The following ABI3BP variants were observed in gnomAD, a reference collection of about 807,000 sequenced individuals.
ABI3BP encodes ABI family member 3 binding protein, also known as target of Nesh-SH3.
In ABI3BP, 216 loss-of-function variants were observed where a neutral mutation model predicts 268.6. That is an observed-to-expected ratio of 0.80 (90% CI 0.72 to 0.90). The LOEUF (loss-of-function observed/expected upper bound fraction) is 0.90. ABI3BP is among the 40% of genes least tolerant of loss of function. The pLI, the probability that ABI3BP is intolerant of heterozygous loss-of-function variation, is 0.00. For missense variants in ABI3BP, 2,090 were observed against 2,182.4 expected (o/e 0.96, Z 0.84); for synonymous variants, 730 against 730.0 (o/e 1.00, Z 0.00).
chr3:100,919,070 C>T (rs929401426), intron 2 of ABI3BP, among the ~76,000 whole-genome samples: 5 of 152,196 alleles, frequency 3.3e-5, no homozygotes, highest in South Asian at 2.1e-4. Context: ...AGCCTCTTGC[C>T]GTCTCTCTAA....
chr3:100,935,170 G>A (rs1174430846), intron 1 of ABI3BP, among the ~76,000 whole-genome samples: 3 of 152,092 alleles, frequency 2.0e-5, no homozygotes, highest in Non-Finnish European at 4.4e-5. Context: ...TGTAAGGAAC[G>A]GATCCAGTTT....
rs2098507873 is a variant in ABI3BP at position 100,832,368 on chromosome 3, AGGATTAATAT to A, written c.2315-28_2315-19del. 6.5e-7 allele frequency: 1 copy of A among 1,534,320 alleles called. No homozygotes were observed. The highest frequency in any genetic ancestry group is 8.7e-7 in the Non-Finnish European group (1 of 1,145,670). ...TGTTGGAGCTGAAGGAAGAAAATTT[AGGATTAATAT>A]GGTGCTGATGGCTCCATTCACTGTG... On this transcript the variant is annotated intron_variant, in intron 30 of 67. Transcript: ENST00000471714.
chr3:100,970,584 AG>A (rs2083184938), intron 1 of ABI3BP, among the ~76,000 whole-genome samples: 1 of 152,204 alleles, frequency 6.6e-6, no homozygotes, highest in Admixed American at 6.5e-5. Context: ...AGAGAGTCCC[AG>A]ACTCTCACAT....
intron 1 of ABI3BP, among the ~76,000 whole-genome samples, chr3:100,946,307 G>A (rs2153734280): frequency 6.6e-6 from 1 of 150,970 alleles, no homozygotes; most frequent in Non-Finnish European, 1.5e-5. Context: ...GGAGGCAGAG[G>A]CTGAGGTGAG....
chr3:100,902,471 A>G (rs1561469992), intron 3 of ABI3BP, 147 bp downstream of exon 3: 1 of 645,842 alleles, frequency 1.5e-6, no homozygotes, highest in South Asian at 2.4e-5. Flanking sequence ...TTACTTCTCC[A>G]AAAGGGTAAA....
Position 100,937,540 on chromosome 3 carries a change from C to T in ABI3BP, c.80-11059G>A, listed in dbSNP as rs114374709. On this transcript the variant is annotated intron_variant, in intron 1 of 67. Transcript: ENST00000471714. The stretch of plus-strand genomic sequence containing the variant: ...GAATCTTTTGTCTGGCATGCCGTTA[C>T]GCTACTGTAGAACGGGCTATGACTT... Among the ~76,000 whole-genome samples, 1,020 of 152,130 alleles carry T rather than the reference C, an allele frequency of 6.7e-3. 8 individuals are homozygous for T. Among genetic ancestry groups the T allele is most frequent in the African/African-American group, 0.021 (876 of 41,542 alleles).
intron 2 of ABI3BP, among the ~76,000 whole-genome samples, chr3:100,903,783 G>C (rs2051718862): frequency 6.6e-6 from 1 of 152,120 alleles, no homozygotes; most frequent in Non-Finnish European, 1.5e-5. Flanking sequence ...GTCTTTTTCT[G>C]GACATCTTAC....
At chr3:100,894,952 A>AAAAAAAAAAAAAAAAC (rs2046767856) in intron 4 of ABI3BP, among the ~76,000 whole-genome samples, 2 of 111,624 alleles carry the variant, frequency 1.8e-5, no homozygotes, top group Admixed American at 8.7e-5. Flanking sequence ...AAAAAAAAAA[A>AAAAAAAAAAAAAAAAC]AAAAAAAAAA....
At chr3:100,800,675 T>A (rs1183366091) in intron 51 of ABI3BP, among the ~76,000 whole-genome samples, 1 of 152,162 alleles carries the variant, frequency 6.6e-6, no homozygotes, top group East Asian at 1.9e-4. Context: ...GAGACGGGGT[T>A]TCACCATGTT....
At chr3:100,889,181 G>C (rs1440148273) in intron 4 of ABI3BP, among the ~76,000 whole-genome samples, 3 of 151,898 alleles carry the variant, frequency 2.0e-5, no homozygotes, top group East Asian at 1.9e-4. Context: ...ATTTGCACAG[G>C]GCTTATGATT....
At chr3:100,861,262 C>G (rs2098995385) in intron 14 of ABI3BP, among the ~76,000 whole-genome samples, 1 of 152,120 alleles carries the variant, frequency 6.6e-6, no homozygotes, top group Non-Finnish European at 1.5e-5. Flanking sequence ...CTATCTTTTG[C>G]AGATATCTGA....
chr3:100,783,375 G>A (rs906658809), intron 57 of ABI3BP, among the ~76,000 whole-genome samples: 1 of 152,088 alleles, frequency 6.6e-6, no homozygotes. Context: ...CTAGGGTTCA[G>A]GTATTTAACA....
rs4325951 is a variant in ABI3BP, at chr3:100,811,440, T to C, written c.3494-163A>G. Among the ~76,000 whole-genome samples, 546 of 152,280 alleles carry C rather than the reference T, an allele frequency of 3.6e-3. 5 individuals are homozygous for C. The highest frequency in any genetic ancestry group is 0.012 in the African/African-American group (484 of 41,566). ...TTGGGAGAAAAATCCTATTCTATAA[T>C]ACTAATCCTCCAATTAATATTTATG... is the stretch of plus-strand genomic sequence containing the variant. On this transcript the variant is annotated intron_variant, in intron 47 of 67. Coordinates refer to ENST00000471714, the MANE Select transcript of ABI3BP (RefSeq NM_001375547.2).
chr3:100,926,151 A>G, intron 2 of ABI3BP, 151 bp downstream of exon 2: 1 of 780,520 alleles, frequency 1.3e-6, no homozygotes, highest in East Asian at 2.7e-5. Flanking sequence ...GCTATGAGTT[A>G]CAACAATTAT....
intron 1 of ABI3BP, among the ~76,000 whole-genome samples, chr3:100,965,686 T>C (rs980120009): frequency 6.6e-6 from 1 of 151,934 alleles, no homozygotes; most frequent in Non-Finnish European, 1.5e-5. Flanking sequence ...GCCTTGGGGA[T>C]TGTAACAGAT....
chr3:100,856,599 C>T (rs1035869022), intron 14 of ABI3BP, among the ~76,000 whole-genome samples: 2 of 152,124 alleles, frequency 1.3e-5, no homozygotes, highest in African/African-American at 2.4e-5. Context: ...AGGAGGATTT[C>T]CTAAGGATGA....
At chr3:100,891,576 C>G (rs1554070893) in intron 4 of ABI3BP, among the ~76,000 whole-genome samples, 1 of 152,170 alleles carries the variant, frequency 6.6e-6, no homozygotes, top group Non-Finnish European at 1.5e-5. Context: ...GATAATAGAG[C>G]AGAGTTTTGA....
intron 4 of ABI3BP, among the ~76,000 whole-genome samples, chr3:100,893,025 C>T (rs1035520831): frequency 2.6e-5 from 4 of 152,294 alleles, no homozygotes; most frequent in Admixed American, 6.5e-5. Context: ...CAGACCCACC[C>T]TCCATTTGGG....
Position 100,829,592 on chromosome 3 carries a change from TGAAGCTCTTCGG to T in ABI3BP, c.2519_2530del (p.Pro840_Leu843del). 6.5e-7 allele frequency: 1 copy of T among 1,535,530 alleles called. No individual in the cohort carries two copies. Among genetic ancestry groups the T allele is most frequent in the Non-Finnish European group, 8.7e-7 (1 of 1,146,326 alleles). On this transcript the variant is annotated inframe_deletion, in exon 33 of 68. Transcript: ENST00000471714. ...ACCTACAAATTTACCCAGTTCAGTC[TGAAGCTCTTCGG>T]GACTCAGTGTGGTTTTAGGTTTGGG...
Sources: allele counts gnomAD v4.1 joint callset (sites outside exome capture counted in the v4.1 genomes callset), GRCh38; gene constraint gnomAD v4.1.1; transcripts MANE v1.5; gene names NCBI Gene and HGNC (gene_info 2026-07-23, HGNC 2026-07-21).